PRKN: variants seen among roughly 807,000 people sequenced by gnomAD.
PRKN encodes the protein parkin RBR E3 ubiquitin protein ligase, also known as E3 ubiquitin-protein ligase parkin.
PRKN carries 56 observed loss-of-function variants against 59.5 expected under a neutral mutation model. The ratio of observed to expected loss-of-function variants is 0.94; its 90% CI spans 0.76 to 1.18. The LOEUF (loss-of-function observed/expected upper bound fraction) is 1.18. Among genes scored for constraint, PRKN ranks in the 50% most tolerant of loss-of-function variants. The pLI is 0.00. For synonymous variants in PRKN, 250 were observed against 222.1 expected (o/e 1.13, Z -1.12); for missense variants, 657 against 596.4 (o/e 1.10, Z -1.06).
intron 9 of PRKN, among the ~76,000 whole-genome samples, chr6:161,501,962 C>G (rs377178347): frequency 6.6e-6 from 1 of 152,150 alleles, no homozygotes; most frequent in African/African-American, 2.4e-5. Flanking sequence ...TATAACACTA[C>G]GTTTCTAAGA....
chr6:162,492,520 C>T (rs867117707), intron 1 of PRKN, among the ~76,000 whole-genome samples: 48 of 152,168 alleles, frequency 3.2e-4, no homozygotes, highest in Admixed American at 1.0e-3. Flanking sequence ...GAAGAATGGC[C>T]GGGTGCAGTG....
intron 6 of PRKN, among the ~76,000 whole-genome samples, chr6:161,848,567 C>T (rs1056445180): frequency 5.3e-5 from 8 of 152,100 alleles, no homozygotes; most frequent in African/African-American, 1.9e-4. Flanking sequence ...TTTAGAAATA[C>T]GTCTCAGTTT....
chr6:162,204,709 G>GTTT (rs141650101), intron 3 of PRKN, among the ~76,000 whole-genome samples: 5 of 125,908 alleles, frequency 4.0e-5, no homozygotes, highest in African/African-American at 5.4e-5. Flanking sequence ...TTATTCAGAA[G>GTTT]TTTTGTTTTT....
chr6:162,648,183 AAGAC>A (rs774816222), intron 1 of PRKN, among the ~76,000 whole-genome samples: 4 of 152,082 alleles, frequency 2.6e-5, no homozygotes, highest in Non-Finnish European at 4.4e-5. Flanking sequence ...TGACAAAGGA[AAGAC>A]AGACAGCCTT....
intron 1 of PRKN, among the ~76,000 whole-genome samples, chr6:162,577,609 A>C (rs1427962783): frequency 8.3e-6 from 1 of 119,990 alleles, no homozygotes; most frequent in African/African-American, 2.8e-5. Flanking sequence ...CAAAATAAAT[A>C]AATAAAATAA....
chr6:162,219,614 G>GAA (rs371488321), intron 3 of PRKN, among the ~76,000 whole-genome samples: 23 of 137,688 alleles, frequency 1.7e-4, no homozygotes, highest in African/African-American at 3.0e-4. Context: ...CAGCATGGAG[G>GAA]AAAAAAAAAA....
At chr6:161,904,267 T>C (rs1256646883) in intron 6 of PRKN, among the ~76,000 whole-genome samples, 1 of 151,890 alleles carries the variant, frequency 6.6e-6, no homozygotes, top group Middle Eastern at 3.5e-3. Flanking sequence ...CAGACCTTTT[T>C]TGAGGGGGCA....
rs542674172 is a variant in PRKN at position 161,995,089 on chromosome 6, T to G, written c.619-21672A>C. ...ACAGTAGGGTACTGGTATAAAAACATACACATAGAGCAATGGAACAAAATA... is the reference window on the plus strand; with the variant it reads ...ACAGTAGGGTACTGGTATAAAAACAGACACATAGAGCAATGGAACAAAATA... On this transcript the variant is annotated intron_variant, in intron 5 of 11. Transcript: ENST00000366898. 3.9e-5 allele frequency among the ~76,000 whole-genome samples: 6 copies of G among 152,114 alleles called. No homozygotes were observed. In the East Asian group the frequency reaches 1.2e-3, roughly 29 times the overall value.
chr6:161,387,939 C>T (rs771643280), intron 9 of PRKN, among the ~76,000 whole-genome samples: 16 of 152,274 alleles, frequency 1.1e-4, no homozygotes, highest in Admixed American at 7.2e-4. Context: ...GGACTGAAGA[C>T]GCCCAAGGAA....
At chr6:162,079,613 A>G (rs1778976653) in intron 4 of PRKN, among the ~76,000 whole-genome samples, 1 of 151,970 alleles carries the variant, frequency 6.6e-6, no homozygotes, top group Non-Finnish European at 1.5e-5. Flanking sequence ...AGGACAGTTT[A>G]TGCTCCCTGG....
chr6:162,237,789 G>T (rs2128089674), intron 3 of PRKN, among the ~76,000 whole-genome samples: 1 of 146,438 alleles, frequency 6.8e-6, no homozygotes, highest in East Asian at 2.0e-4. Context: ...TCAGATATTT[G>T]GTTAAAAAAA....
intron 4 of PRKN, among the ~76,000 whole-genome samples, chr6:162,119,312 A>G (rs1420973684): frequency 1.3e-5 from 2 of 152,274 alleles, no homozygotes; most frequent in South Asian, 2.1e-4. Context: ...GATCAGGGAA[A>G]GGACTGTGAA....
intron 2 of PRKN, among the ~76,000 whole-genome samples, chr6:162,429,163 C>A (rs1034020653): frequency 6.6e-6 from 1 of 152,120 alleles, no homozygotes; most frequent in Admixed American, 6.5e-5. Flanking sequence ...TCGCATGTTA[C>A]AAGAAGTCTA....
chr6:162,681,095 ACTC>A (rs1351972256), intron 1 of PRKN, among the ~76,000 whole-genome samples: 1 of 151,908 alleles, frequency 6.6e-6, no homozygotes, highest in Non-Finnish European at 1.5e-5. Context: ...TTCCAGGAAG[ACTC>A]CTCTGTGCTC....
At position 161,402,888 on chromosome 6, in the gene PRKN, G is replaced by A. The variant is rs1042641391; in HGVS notation, c.1084-16011C>T. Among the ~76,000 whole-genome samples, 4 of 152,104 alleles carry A rather than the reference G, an allele frequency of 2.6e-5. No individual in the cohort carries two copies. Among genetic ancestry groups the A allele is most frequent in the Non-Finnish European group, 4.4e-5 (3 of 68,018 alleles). On this transcript the variant is annotated intron_variant, in intron 9 of 11. Transcript: ENST00000366898. This position sits in a 1 kb window ranked among gnomAD's most constrained non-coding sequence, Gnocchi z 4.5. ...AACAGGCAGTAGTCTCTCCAGGCAT[G>A]GTGTCCACGTACTCATCTTCCCCGG...
At chr6:162,470,137 A>G (rs1791658156) in intron 1 of PRKN, among the ~76,000 whole-genome samples, 1 of 152,188 alleles carries the variant, frequency 6.6e-6, no homozygotes, top group South Asian at 2.1e-4. Context: ...TCCCACGGCC[A>G]CTGGGACATC....
chr6:162,537,243 T>C (rs754323674), intron 1 of PRKN, among the ~76,000 whole-genome samples: 1 of 152,048 alleles, frequency 6.6e-6, no homozygotes, highest in Admixed American at 6.6e-5. Context: ...AATTTCTCTG[T>C]TTTCCCTTCC....
chr6:162,651,638 A>G (rs1009011222), intron 1 of PRKN, among the ~76,000 whole-genome samples: 8 of 152,162 alleles, frequency 5.3e-5, no homozygotes, highest in African/African-American at 1.9e-4. Flanking sequence ...AGAAAGTTAT[A>G]CTGTGCTCAC....
rs1271769012 is a variant in PRKN at position 161,409,632 on chromosome 6, C to T, written c.1084-22755G>A. 6.6e-6 allele frequency among the ~76,000 whole-genome samples: 1 copy of T among 151,992 alleles called. No individual in the cohort carries two copies. The highest frequency in any genetic ancestry group is 1.5e-5 in the Non-Finnish European group (1 of 68,010). ...CGTCACTATAAAAATGAAAGCAAGC[C>T]CAACCTTGGTGTGATGTTTTGCAAT... On this transcript the variant is annotated intron_variant, in intron 9 of 11. Coordinates refer to ENST00000366898, the MANE Select transcript of PRKN (RefSeq NM_004562.3). This position sits in a 1 kb window ranked among gnomAD's most constrained non-coding sequence, Gnocchi z 4.6.
Sources: allele counts gnomAD v4.1 joint callset (sites outside exome capture counted in the v4.1 genomes callset), GRCh38; gene constraint gnomAD v4.1.1; non-coding constraint Gnocchi (gnomAD v3.1); transcripts MANE v1.5; gene names NCBI Gene and HGNC (gene_info 2026-07-23, HGNC 2026-07-21).